The following MLIP variants were observed in gnomAD, a reference collection of about 807,000 sequenced individuals.
The protein encoded by MLIP is muscular LMNA interacting protein.
In MLIP, 79 loss-of-function variants were observed where a neutral mutation model predicts 84.8. The observed-to-expected ratio is 0.93, with a 90% CI of 0.78 to 1.12. MLIP has a LOEUF of 1.12. Among genes scored for constraint, MLIP ranks in the 50% most tolerant of loss-of-function variants. The probability of loss-of-function intolerance (pLI) is 0.00; values close to 1 mark genes in which losing one functional copy is unlikely to be tolerated. For missense variants in MLIP, 1,257 were observed against 1,160.6 expected (o/e 1.08, Z -1.21); for synonymous variants, 504 against 463.0 (o/e 1.09, Z -1.14).
intron 1 of MLIP, among the ~76,000 whole-genome samples, chr6:54,091,064 C>G (rs1428721751): frequency 6.6e-6 from 1 of 152,066 alleles, no homozygotes; most frequent in East Asian, 1.9e-4. Context: ...ACGTCCCTTG[C>G]CTCTACTCAC....
At chr6:54,192,918 C>G (rs1337645905) in intron 10 of MLIP, among the ~76,000 whole-genome samples, 1 of 152,102 alleles carries the variant, frequency 6.6e-6, no homozygotes, top group Non-Finnish European at 1.5e-5. Flanking sequence ...TGCTATGGTA[C>G]CACAAGCTTA....
intron 10 of MLIP, among the ~76,000 whole-genome samples, chr6:54,196,377 T>TAAC (rs984672374): frequency 1.3e-5 from 2 of 152,082 alleles, no homozygotes; most frequent in African/African-American, 4.8e-5. Context: ...TGTTGTTCCC[T>TAAC]AACATGTGTT....
intron 12 of MLIP, among the ~76,000 whole-genome samples, chr6:54,235,425 A>G (rs1432252387): frequency 1.3e-5 from 2 of 152,136 alleles, no homozygotes; most frequent in African/African-American, 4.8e-5. Flanking sequence ...TCAGTACTCA[A>G]AATGATTTGT....
chr6:54,155,490 T>C (rs1371629586), intron 5 of MLIP, among the ~76,000 whole-genome samples: 1 of 152,128 alleles, frequency 6.6e-6, no homozygotes, highest in Non-Finnish European at 1.5e-5. Flanking sequence ...AAATAGATAG[T>C]CTAAGTATAA....
chr6:54,212,590 C>T (rs192136891), intron 11 of MLIP, among the ~76,000 whole-genome samples: 35 of 152,284 alleles, frequency 2.3e-4, no homozygotes, highest in African/African-American at 7.7e-4. Context: ...CTTGCCCCCG[C>T]CCCTGCAATT....
At chr6:54,084,905 G>A (rs571316449) in intron 1 of MLIP, among the ~76,000 whole-genome samples, 2 of 152,120 alleles carry the variant, frequency 1.3e-5, no homozygotes, top group Non-Finnish European at 2.9e-5. Flanking sequence ...TGTATATGTC[G>A]AGACTTGAAG....
intron 4 of MLIP, among the ~76,000 whole-genome samples, chr6:54,142,905 A>G (rs2150502647): frequency 6.6e-6 from 1 of 151,562 alleles, no homozygotes; most frequent in South Asian, 2.1e-4. Flanking sequence ...TGAAATGAAA[A>G]AAACAACAAC....
intron 9 of MLIP, among the ~76,000 whole-genome samples, chr6:54,183,432 C>G (rs1777082212): frequency 6.6e-6 from 1 of 152,098 alleles, no homozygotes; most frequent in Non-Finnish European, 1.5e-5. Flanking sequence ...ATGAGACAAA[C>G]CTTCTGCTTT....
At chr6:54,030,478 C>G (rs1236918107) in intron 1 of MLIP, 1 of 152,002 alleles carries the variant, frequency 6.6e-6, no homozygotes, top group South Asian at 2.1e-4. Flanking sequence ...GGGAAGGAGT[C>G]CTGGTACATG....
chr6:54,197,618 C>T (rs187683294), intron 10 of MLIP, among the ~76,000 whole-genome samples: 2 of 152,092 alleles, frequency 1.3e-5, no homozygotes, highest in Admixed American at 6.6e-5. Context: ...AGAGTCATTA[C>T]ATTTTTTATT....
intron 1 of MLIP, among the ~76,000 whole-genome samples, chr6:54,044,754 A>G (rs1764939277): frequency 6.6e-6 from 1 of 152,132 alleles, no homozygotes; most frequent in Admixed American, 6.5e-5. Flanking sequence ...AGGTCGGTGA[A>G]ATTAATGCCA....
At position 54,149,084 on chromosome 6, in the gene MLIP, C is replaced by T; in HGVS notation, c.2246C>T (p.Ala749Val). Residue 749 changes from alanine (A) to valine (V), a missense_variant, in exon 5 of 14, where the codon GCT (alanine) becomes GTT (valine). Transcript: ENST00000502396. ...TACAAGACCAAGTCAAGCTACAAGG[C>T]TTTTGCAGCAATCCCTACAAACACA... ...KQYKTKSSYKAFAAIPTNTLL... is the reference protein window; with the variant it reads ...KQYKTKSSYKVFAAIPTNTLL... 6.2e-7 allele frequency: 1 copy of T among 1,612,974 alleles called. No homozygotes were observed. The highest frequency in any genetic ancestry group is 8.5e-7 in the Non-Finnish European group (1 of 1,179,248).
At chr6:54,207,400 C>T (rs1339170880) in intron 11 of MLIP, among the ~76,000 whole-genome samples, 4 of 146,632 alleles carry the variant, frequency 2.7e-5, no homozygotes, top group Non-Finnish European at 6.0e-5. Context: ...GAATTTCCAT[C>T]ACCTCTGCAC....
intron 1 of MLIP, among the ~76,000 whole-genome samples, chr6:54,119,738 GTTAA>G (rs1047551031): frequency 2.6e-5 from 4 of 152,188 alleles, no homozygotes; most frequent in African/African-American, 9.6e-5. Context: ...AACTGTATTT[GTTAA>G]TTAACTAGAT....
chr6:54,237,641 C>A (rs1471436607), intron 12 of MLIP, among the ~76,000 whole-genome samples: 1 of 147,722 alleles, frequency 6.8e-6, no homozygotes, highest in Non-Finnish European at 1.5e-5. Flanking sequence ...AGCCCAGGAG[C>A]CAGAGACCAG....
At chr6:54,093,005 T>A (rs530741442) in intron 1 of MLIP, among the ~76,000 whole-genome samples, 2 of 152,262 alleles carry the variant, frequency 1.3e-5, no homozygotes, top group South Asian at 4.1e-4. Context: ...GCCTCCTGAG[T>A]AGCTGGGATT....
intron 11 of MLIP, chr6:54,217,930 G>T (rs990553522): frequency 3.0e-6 from 3 of 985,410 alleles, no homozygotes; most frequent in Non-Finnish European, 3.6e-6. Flanking sequence ...CCAACCTCAA[G>T]ATAATTCGCT....
chr6:54,215,064 G>A (rs1168604506), intron 11 of MLIP: 2 of 1,055,920 alleles, frequency 1.9e-6, no homozygotes, highest in African/African-American at 3.1e-5. Context: ...CCTGGTCTCT[G>A]CCTTTTTGCT....
chr6:54,207,868 G>C (rs1779145214), intron 11 of MLIP, among the ~76,000 whole-genome samples: 1 of 152,222 alleles, frequency 6.6e-6, no homozygotes, highest in Admixed American at 6.5e-5. Flanking sequence ...ATAGGTCTTT[G>C]TAATCCCAGC....
Sources: allele counts gnomAD v4.1 joint callset (sites outside exome capture counted in the v4.1 genomes callset), GRCh38; gene constraint gnomAD v4.1.1; transcripts MANE v1.5; gene names NCBI Gene and HGNC (gene_info 2026-07-23, HGNC 2026-07-21).